Variants in ACKR2 observed in about 807,000 individuals in gnomAD.
ACKR2 encodes the protein C-C chemokine receptor D6.
For missense variants in ACKR2, 457 were observed against 477.3 expected (o/e 0.96, Z 0.40); for synonymous variants, 207 against 192.2 (o/e 1.08, Z -0.64).
intron 2 of ACKR2, among the ~76,000 whole-genome samples, chr3:42,851,986 T>C (rs904348593): frequency 2.0e-5 from 3 of 152,208 alleles, no homozygotes; most frequent in African/African-American, 4.8e-5. Context: ...CATCCCAGCC[T>C]GAATCAAATG....
intron 2 of ACKR2, among the ~76,000 whole-genome samples, chr3:42,821,334 G>A (rs563170166): frequency 8.5e-5 from 13 of 152,330 alleles, no homozygotes; most frequent in Admixed American, 8.5e-4. Flanking sequence ...CTAGAAGCAA[G>A]AAAAACCACA....
intron 2 of ACKR2, among the ~76,000 whole-genome samples, chr3:42,862,805 A>G (rs2088398216): frequency 6.6e-6 from 1 of 152,212 alleles, no homozygotes; most frequent in African/African-American, 2.4e-5. Flanking sequence ...CTGGCTAGCC[A>G]TATGCAAAGA....
rs563394285 is a variant in ACKR2, at chr3:42,821,928, C to G, written c.-38+2217C>G. ...AGCCAGGATGGTCTCGATCTCCTGA[C>G]CTCGTGATCCGCCCGCCTCGGCCTC... is the stretch of plus-strand genomic sequence containing the variant. On this transcript the variant is annotated intron_variant, in intron 2 of 2. Transcript: ENST00000422265. Among the ~76,000 whole-genome samples the G allele has an allele frequency of 3.3e-3, 505 of 152,098 alleles. 1 individual carries two copies. The highest frequency in any genetic ancestry group is 4.7e-3 in the Non-Finnish European group (318 of 67,960).
intron 1 of ACKR2, among the ~76,000 whole-genome samples, chr3:42,815,588 G>A (rs886756948): frequency 1.3e-5 from 2 of 152,200 alleles, no homozygotes; most frequent in African/African-American, 4.8e-5. Flanking sequence ...TTTAAAACTT[G>A]CCTAAAAGGT....
intron 2 of ACKR2, among the ~76,000 whole-genome samples, chr3:42,842,674 C>G (rs950474916): frequency 6.6e-6 from 1 of 152,150 alleles, no homozygotes; most frequent in African/African-American, 2.4e-5. Context: ...TTGAAGGTCA[C>G]CACCCAGAAG....
rs1700985739 is a variant in ACKR2, at chr3:42,836,108, A to G, written c.-38+16397A>G. ...TCCAGGAATGCATTCCTCCCCAGAA[A>G]AATCTCATATCTAAACTGAGAGTAA... On this transcript the variant is annotated intron_variant, in intron 2 of 2. Coordinates refer to ENST00000422265, the MANE Select transcript of ACKR2 (RefSeq NM_001296.5). 4 of 152,264 alleles carry G rather than the reference A, an allele frequency of 2.6e-5. No individual in the cohort carries two copies. In the South Asian group the frequency reaches 8.3e-4, roughly 32 times the overall value. The allele number at this position is 152,264 out of a possible 1,614,324, so 9.4% of individuals were successfully genotyped here.
In ACKR2 at chr3:42,865,088, C is replaced by T; in HGVS notation, c.586C>T (p.His196Tyr). 1 of 1,614,036 alleles carries T rather than the reference C, an allele frequency of 6.2e-7. No homozygotes were observed. The highest frequency in any genetic ancestry group is 1.7e-5 in the Admixed American group (1 of 60,016). The change falls in exon 3 of 3, where the codon CAC becomes TAC. Residue 196 changes from histidine to tyrosine, a missense_variant. By Grantham distance (83) the His-to-Tyr change is moderately conservative. Coordinates refer to ENST00000422265, the MANE Select transcript of ACKR2 (RefSeq NM_001296.5). ...AAATCCCAAGGGTGTGTGGAACTGC[C>T]ACGCAGATTTCGGCGGGCATGGGAC... ...HENPKGVWNC[H>Y]ADFGGHGTIW...
In ACKR2 at chr3:42,865,161, T is replaced by G. The variant is rs1212901442; in HGVS notation, c.659T>G (p.Leu220Arg). 1.2e-6 allele frequency: 2 copies of G among 1,613,998 alleles called. No individual in the cohort carries two copies. Among genetic ancestry groups the G allele is most frequent in the African/African-American group, 2.7e-5 (2 of 74,918 alleles). Residue 220 changes from leucine to arginine, a missense_variant, in exon 3 of 3, where the codon CTC becomes CGC. By Grantham distance (102) the Leu-to-Arg change is moderately radical. Transcript: ENST00000422265. ...LRFQQNLLGF[L>R]LPLLAMIFFY... Reference sequence around the variant, plus strand: ...TTCCAGCAGAACCTCCTAGGGTTTCTCCTTCCACTCCTTGCCATGATCTTC... The same window carrying G: ...TTCCAGCAGAACCTCCTAGGGTTTCGCCTTCCACTCCTTGCCATGATCTTC...
intron 2 of ACKR2, among the ~76,000 whole-genome samples, chr3:42,821,349 G>A (rs1422948636): frequency 2.0e-5 from 3 of 152,174 alleles, no homozygotes; most frequent in African/African-American, 7.2e-5. Context: ...ACCACATACA[G>A]CTGCTCAGTC....
intron 2 of ACKR2, among the ~76,000 whole-genome samples, chr3:42,829,211 G>A (rs1700903875): frequency 1.3e-5 from 2 of 152,276 alleles, no homozygotes; most frequent in South Asian, 4.1e-4. Context: ...CCAGAAGGTG[G>A]CAAACGTGGA....
chr3:42,826,375 C>T (rs1369796425), intron 2 of ACKR2, among the ~76,000 whole-genome samples: 4 of 152,184 alleles, frequency 2.6e-5, no homozygotes, highest in African/African-American at 9.6e-5. Flanking sequence ...GTGAAGTCAT[C>T]TGGTTCTGGG....
At chr3:42,821,609 A>C (rs1050890275) in intron 2 of ACKR2, among the ~76,000 whole-genome samples, 10 of 151,950 alleles carry the variant, frequency 6.6e-5, no homozygotes, top group Non-Finnish European at 1.0e-4. Flanking sequence ...TGTTTAGCTC[A>C]TGCCCTTTCT....
rs577087357 is a variant in ACKR2 at position 42,865,498 on chromosome 3, A to ATGGCACC, written c.1010_1016dup (p.Ala340TrpfsTer12). On this transcript the variant is annotated frameshift_variant, in exon 3 of 3. Transcript: ENST00000422265. LOFTEE classifies it low-confidence loss of function (END_TRUNC). Reference sequence around the variant, plus strand: ...AGGCTTTCCTGGCTGCCGTGCTTGGATGGCACCTGGCACCTGGCACTGCCC... The same window carrying ATGGCACC: ...AGGCTTTCCTGGCTGCCGTGCTTGGATGGCACCTGGCACCTGGCACCTGGCACTGCCC... 8 of 1,613,940 alleles carry ATGGCACC rather than the reference A, an allele frequency of 5.0e-6. No homozygotes were observed. The African/African-American group carries it at 5.3e-5, about 11-fold the overall frequency.
At chr3:42,848,213 A>ATTTTTTTTTTTTTTT (rs36054454) in intron 2 of ACKR2, among the ~76,000 whole-genome samples, 1 of 74,910 alleles carries the variant, frequency 1.3e-5, no homozygotes. Flanking sequence ...AAAAAAAAAA[A>ATTTTTTTTTTTTTTT]TTTTTTTTTT....
chr3:42,854,420 G>A (rs918307572), intron 2 of ACKR2, among the ~76,000 whole-genome samples: 5 of 152,078 alleles, frequency 3.3e-5, no homozygotes, highest in Non-Finnish European at 1.5e-5. Context: ...ACTAGTTGCC[G>A]AGGCCAGAAG....
intron 2 of ACKR2, among the ~76,000 whole-genome samples, chr3:42,856,811 C>T (rs1226069623): frequency 6.6e-6 from 1 of 151,466 alleles, no homozygotes; most frequent in Non-Finnish European, 1.5e-5. Flanking sequence ...TTTTTATCTC[C>T]TTCCTCTCTC....
chr3:42,821,927 A>G (rs971424657), intron 2 of ACKR2, among the ~76,000 whole-genome samples: 2 of 151,886 alleles, frequency 1.3e-5, no homozygotes, highest in Admixed American at 1.3e-4. Context: ...CGATCTCCTG[A>G]CCTCGTGATC....
intron 2 of ACKR2, among the ~76,000 whole-genome samples, chr3:42,820,395 C>T (rs1022702707): frequency 6.6e-6 from 1 of 151,870 alleles, no homozygotes; most frequent in African/African-American, 2.4e-5. Flanking sequence ...AGATCGAGAC[C>T]ATCCTGGCTA....
chr3:42,825,603 G>A lies in ACKR2; in HGVS notation c.-38+5892G>A, dbSNP rs182868948. On this transcript the variant is annotated intron_variant, in intron 2 of 2. Transcript: ENST00000422265. ...TGTGTGTGTGTGTGTGTGTGTGTGC[G>A]TGTGTGTGTGTGTATTTCTTAGGAT... is the stretch of plus-strand genomic sequence containing the variant. Among the ~76,000 whole-genome samples, 147 of 150,824 alleles carry A rather than the reference G, an allele frequency of 9.7e-4. 1 individual carries two copies. The East Asian group carries it at 0.025, about 26-fold the overall frequency.
Sources: gnomAD v4.1 joint callset for allele counts (sites outside exome capture counted in the v4.1 genomes callset) on GRCh38, gnomAD v4.1.1 for gene constraint, MANE v1.5 for transcripts, NCBI Gene and HGNC (gene_info 2026-07-23, HGNC 2026-07-21) for gene names.